GREB1L: variants seen among roughly 807,000 people sequenced by gnomAD.
GREB1L encodes the protein GREB1-like protein.
Under a neutral mutation model 200.8 loss-of-function variants are expected in GREB1L, and 17 were observed. That is an observed-to-expected ratio of 0.08 (90% confidence interval 0.06 to 0.13). The LOEUF (loss-of-function observed/expected upper bound fraction) is 0.13, where lower values mean the gene tolerates loss of function less well. GREB1L is among the 10% of genes least tolerant of loss of function. The pLI is 1.00. For missense variants in GREB1L, 1,657 were observed against 2,367.7 expected (o/e 0.70, Z 6.23); for synonymous variants, 789 against 893.0 (o/e 0.88, Z 2.08).
intron 1 of GREB1L, among the ~76,000 whole-genome samples, chr18:21,301,234 G>T (rs554099878): frequency 6.6e-6 from 1 of 152,216 alleles, no homozygotes; most frequent in African/African-American, 2.4e-5. Context: ...CATTGTTAGA[G>T]TGAAGCTGAC....
intron 10 of GREB1L, among the ~76,000 whole-genome samples, chr18:21,443,060 C>T (rs1473465369): frequency 1.3e-5 from 2 of 151,798 alleles, no homozygotes; most frequent in Non-Finnish European, 2.9e-5. Flanking sequence ...TGCACCACCA[C>T]GCTCAGCCTA....
intron 7 of GREB1L, among the ~76,000 whole-genome samples, chr18:21,419,743 C>CTGT (rs1422898191): frequency 2.0e-5 from 3 of 152,218 alleles, no homozygotes; most frequent in African/African-American, 7.2e-5. Flanking sequence ...GCCACTGTGC[C>CTGT]CACCCACAAC....
intron 1 of GREB1L, among the ~76,000 whole-genome samples, chr18:21,293,271 G>T (rs546271156): frequency 2.0e-5 from 3 of 152,160 alleles, no homozygotes; most frequent in African/African-American, 4.8e-5. Context: ...CTGGTTCTAC[G>T]ATTAAGGAGC....
chr18:21,354,346 G>C (rs1038822148), intron 1 of GREB1L, among the ~76,000 whole-genome samples: 8 of 152,100 alleles, frequency 5.3e-5, no homozygotes, highest in African/African-American at 1.9e-4. Flanking sequence ...CCAACACTTA[G>C]GGAGGCAGAG....
intron 1 of GREB1L, among the ~76,000 whole-genome samples, chr18:21,319,957 T>C (rs1423399092): frequency 1.3e-5 from 2 of 152,186 alleles, no homozygotes; most frequent in Admixed American, 6.5e-5. Flanking sequence ...TATAAAGCAG[T>C]CTGTGGGTAA....
intron 7 of GREB1L, among the ~76,000 whole-genome samples, chr18:21,406,473 T>C (rs1325503741): frequency 6.6e-6 from 1 of 152,268 alleles, no homozygotes; most frequent in Non-Finnish European, 1.5e-5. Flanking sequence ...TTATAAGTGA[T>C]GCTTTGTATC....
At chr18:21,303,399 TA>T (rs1047979077) in intron 1 of GREB1L, among the ~76,000 whole-genome samples, 2 of 152,356 alleles carry the variant, frequency 1.3e-5, no homozygotes, top group East Asian at 3.9e-4. Context: ...TTTTGTTTTT[TA>T]AAAAAATTCT....
At chr18:21,453,053 T>C (rs2034599784) in intron 14 of GREB1L, among the ~76,000 whole-genome samples, 1 of 152,256 alleles carries the variant, frequency 6.6e-6, no homozygotes, top group Non-Finnish European at 1.5e-5. Flanking sequence ...ATCCGGATGA[T>C]CTAAAATGTG....
At chr18:21,391,003 A>T (rs1224390299) in intron 4 of GREB1L, among the ~76,000 whole-genome samples, 2 of 152,220 alleles carry the variant, frequency 1.3e-5, no homozygotes, top group African/African-American at 4.8e-5. Context: ...TAAAAAGGTG[A>T]TAAAGTTAAA....
intron 7 of GREB1L, among the ~76,000 whole-genome samples, chr18:21,409,304 A>G (rs2030677203): frequency 2.0e-5 from 3 of 152,242 alleles, no homozygotes; most frequent in Non-Finnish European, 4.4e-5. Context: ...GGTTCTGTGT[A>G]TATGAAATGT....
At chr18:21,453,637 G>GT (rs1302665525) in intron 14 of GREB1L, among the ~76,000 whole-genome samples, 1 of 152,188 alleles carries the variant, frequency 6.6e-6, no homozygotes, top group Non-Finnish European at 1.5e-5. Flanking sequence ...TCTGGGAAAT[G>GT]TTTTTGTAAT....
chr18:21,505,652 T>C, intron 24 of GREB1L, 85 bp downstream of exon 24: 1 of 1,456,922 alleles, frequency 6.9e-7, no homozygotes, highest in Non-Finnish European at 9.3e-7. Flanking sequence ...TTTCTTTCGC[T>C]CTTATGCGCA....
chr18:21,309,527 A>G (rs2038757828), intron 1 of GREB1L, among the ~76,000 whole-genome samples: 1 of 152,164 alleles, frequency 6.6e-6, no homozygotes, highest in Admixed American at 6.5e-5. Flanking sequence ...GCACTGCACG[A>G]TGCTGTTTGA....
intron 7 of GREB1L, among the ~76,000 whole-genome samples, chr18:21,415,405 A>G (rs539302753): frequency 2.6e-5 from 4 of 152,246 alleles, no homozygotes; most frequent in African/African-American, 9.6e-5. Context: ...AGCACTGGCT[A>G]CTCTGGAGTC....
At chr18:21,406,875 C>CTTTTTTT (rs369137235) in intron 7 of GREB1L, among the ~76,000 whole-genome samples, 3 of 131,952 alleles carry the variant, frequency 2.3e-5, no homozygotes, top group African/African-American at 2.9e-5. Context: ...CATTTTCTTC[C>CTTTTTTT]TTTTTTTTTT....
chr18:21,452,888 G>C (rs2034591601), intron 14 of GREB1L, among the ~76,000 whole-genome samples: 1 of 152,202 alleles, frequency 6.6e-6, no homozygotes, highest in Admixed American at 6.5e-5. Context: ...CAGCCACTTG[G>C]CCCCCACTTG....
At position 21,522,870 on chromosome 18, in the gene GREB1L, C is replaced by T; in HGVS notation, c.*49C>T. ...AAAAAGATGCCTAGGTGGGATGGGA[C>T]AGAAACAATTTGGGATTTTTCTTTT... On this transcript the variant is annotated 3_prime_UTR_variant, in exon 33 of 33. Coordinates refer to ENST00000424526, the MANE Select transcript of GREB1L (RefSeq NM_001142966.3). 6.9e-7 allele frequency: 1 copy of T among 1,458,334 alleles called. No homozygotes were observed. The highest frequency in any genetic ancestry group is 9.2e-7 in the Non-Finnish European group (1 of 1,090,804). The allele number at this position is 1,458,334 out of a possible 1,614,324, so 90.3% of individuals were successfully genotyped here.
chr18:21,471,097 T>C (rs1354806637), intron 15 of GREB1L, among the ~76,000 whole-genome samples: 5 of 152,218 alleles, frequency 3.3e-5, no homozygotes, highest in Admixed American at 2.6e-4. Context: ...GTTTTTCCAG[T>C]AAGGGAATGT....
At chr18:21,328,177 G>GC (rs11420175) in intron 1 of GREB1L, among the ~76,000 whole-genome samples, 2,658 of 150,064 alleles carry the variant, frequency 0.018, 47 homozygotes, top group African/African-American at 0.043. Context: ...CAGTGCCATT[G>GC]CCCCCCCCCG....
Sources: allele counts gnomAD v4.1 joint callset (sites outside exome capture counted in the v4.1 genomes callset), GRCh38; gene constraint gnomAD v4.1.1; transcripts MANE v1.5; gene names NCBI Gene and HGNC (gene_info 2026-07-23, HGNC 2026-07-21).